Variants in MACROD2 observed in about 807,000 individuals in gnomAD.
MACROD2 encodes mono-ADP ribosylhydrolase 2.
A neutral mutation model predicts 70.4 loss-of-function variants in MACROD2; 36 were observed. That is an observed-to-expected ratio of 0.51 (90% CI 0.39 to 0.68). The LOEUF is 0.68. MACROD2 is among the 30% of genes least tolerant of loss of function. The pLI is 0.00. For missense variants in MACROD2, 496 were observed against 538.4 expected, an observed-to-expected ratio of 0.92 and a Z score of 0.78; for synonymous variants, 172 against 178.8, an observed-to-expected ratio of 0.96 and a Z score of 0.30.
chr20:15,877,209 C>T (rs939375277), intron 9 of MACROD2, among the ~76,000 whole-genome samples: 1 of 152,086 alleles, frequency 6.6e-6, no homozygotes, highest in African/African-American at 2.4e-5. Context: ...CCATCTCCAG[C>T]TGGGAGTCTC....
chr20:14,335,666 A>G (rs1175869835), intron 3 of MACROD2, among the ~76,000 whole-genome samples: 1 of 152,184 alleles, frequency 6.6e-6, no homozygotes, highest in Non-Finnish European at 1.5e-5. Flanking sequence ...AAACCCAATT[A>G]GTAACTGGTA....
rs2076065719 is a variant in MACROD2 at position 15,126,172 on chromosome 20, G to A, written c.419-103768G>A. On this transcript the variant is annotated intron_variant, in intron 5 of 17. Transcript: ENST00000684519. The stretch of plus-strand genomic sequence containing the variant: ...TTCTGTTATAAACATTTGTGTACAA[G>A]TTTTTGTATGAACATATGTTTTCAG... 5.7e-5 allele frequency among the ~76,000 whole-genome samples: 7 copies of A among 122,592 alleles called. No individual in the cohort carries two copies. In the Admixed American group the frequency reaches 6.2e-4, roughly 11 times the overall value. The allele number at this position is 122,592 out of a possible 152,430, so 80.4% of individuals were successfully genotyped here.
chr20:15,804,423 C>A lies in MACROD2; in HGVS notation c.646-58322C>A, dbSNP rs552693022. On this transcript the variant is annotated intron_variant, in intron 8 of 17. Transcript: ENST00000684519. ...TCATTTCAATCCTATAAATCAATGA[C>A]CTTTCTAATTACAAATATTCACTGA... 1.8e-4 allele frequency among the ~76,000 whole-genome samples: 28 copies of A among 152,290 alleles called. No individual in the cohort carries two copies. The East Asian group carries it at 5.4e-3, about 29-fold the overall frequency.
chr20:15,575,905 A>C (rs1011040645), intron 8 of MACROD2, among the ~76,000 whole-genome samples: 1 of 152,134 alleles, frequency 6.6e-6, no homozygotes, highest in Non-Finnish European at 1.5e-5. Context: ...AATTGGCTTA[A>C]ACTTGTTTAC....
chr20:15,407,014 T>G (rs2146317895), intron 6 of MACROD2, among the ~76,000 whole-genome samples: 1 of 152,310 alleles, frequency 6.6e-6, no homozygotes, highest in Admixed American at 6.5e-5. Flanking sequence ...ACATAGGTGA[T>G]TTGCCTGTTC....
intron 5 of MACROD2, among the ~76,000 whole-genome samples, chr20:14,954,504 A>C (rs1293998849): frequency 7.1e-6 from 1 of 141,178 alleles, no homozygotes; most frequent in Non-Finnish European, 1.5e-5. Flanking sequence ...ATATATAATT[A>C]TTATTATATA....
intron 7 of MACROD2, among the ~76,000 whole-genome samples, chr20:15,486,772 T>C (rs190474877): frequency 4.3e-4 from 66 of 152,314 alleles, no homozygotes; most frequent in Non-Finnish European, 7.2e-4. Flanking sequence ...TCTTCAAGTG[T>C]TGTATATCCT....
chr20:15,007,042 C>A lies in MACROD2; in HGVS notation c.419-222898C>A, dbSNP rs369828436. Among the ~76,000 whole-genome samples the A allele has an allele frequency of 3.3e-5, 5 of 151,580 alleles. No homozygotes were observed. In the South Asian group the frequency reaches 1.0e-3, roughly 31 times the overall value. On this transcript the variant is annotated intron_variant, in intron 5 of 17. Coordinates refer to ENST00000684519, the MANE Select transcript of MACROD2 (RefSeq NM_001351661.2). ...ACTGTCAAAGTAGGTTTGGGTGAGA[C>A]CCCTGTAGAGGACTGGGGGAAACCA...
At chr20:14,257,878 C>T (rs751113953) in intron 3 of MACROD2, among the ~76,000 whole-genome samples, 7 of 138,960 alleles carry the variant, frequency 5.0e-5, no homozygotes, top group Non-Finnish European at 7.6e-5. Flanking sequence ...TCTTGTATTC[C>T]TTGCCCCCTT....
chr20:15,494,836 GA>G (rs1296580249), intron 7 of MACROD2, among the ~76,000 whole-genome samples: 2 of 151,106 alleles, frequency 1.3e-5, no homozygotes, highest in African/African-American at 4.9e-5. Context: ...AAGTAAATAA[GA>G]AAAAAATCAT....
intron 6 of MACROD2, among the ~76,000 whole-genome samples, chr20:15,315,428 G>T (rs980596889): frequency 2.0e-5 from 3 of 152,128 alleles, no homozygotes; most frequent in African/African-American, 7.2e-5. Flanking sequence ...TAGAAACAAA[G>T]AAACTCTGAA....
At chr20:14,588,791 A>G (rs1981561010) in intron 4 of MACROD2, among the ~76,000 whole-genome samples, 1 of 152,230 alleles carries the variant, frequency 6.6e-6, no homozygotes, top group East Asian at 1.9e-4. Flanking sequence ...GTTACATGAT[A>G]AACATTGTAC....
At chr20:15,284,125 T>A (rs1172035631) in intron 6 of MACROD2, among the ~76,000 whole-genome samples, 6 of 152,196 alleles carry the variant, frequency 3.9e-5, no homozygotes, top group Non-Finnish European at 1.5e-5. Flanking sequence ...AAATTGTAAC[T>A]TTTTTACATA....
intron 5 of MACROD2, among the ~76,000 whole-genome samples, chr20:14,898,622 C>CTA (rs2073859016): frequency 6.6e-6 from 1 of 152,120 alleles, no homozygotes; most frequent in African/African-American, 2.4e-5. Flanking sequence ...ATTAGCTGGG[C>CTA]TATAGTCTGG....
At chr20:15,435,820 A>G (rs920335097) in intron 7 of MACROD2, among the ~76,000 whole-genome samples, 16 of 152,256 alleles carry the variant, frequency 1.1e-4, no homozygotes, top group African/African-American at 3.8e-4. Context: ...ATTGTGGCGA[A>G]TGGGAGGGAA....
chr20:14,893,452 G>T (rs1329251356), intron 5 of MACROD2: 1 of 151,820 alleles, frequency 6.6e-6, no homozygotes, highest in Non-Finnish European at 1.5e-5. Context: ...GTTACTTTCC[G>T]TTTTTTGATA....
At chr20:15,299,670 A>T (rs1454096942) in intron 6 of MACROD2, among the ~76,000 whole-genome samples, 1 of 152,214 alleles carries the variant, frequency 6.6e-6, no homozygotes, top group East Asian at 1.9e-4. Context: ...TACTGTCCTA[A>T]TCCAGTCATA....
At chr20:15,129,792 C>A (rs1312763081) in intron 5 of MACROD2, among the ~76,000 whole-genome samples, 1 of 152,040 alleles carries the variant, frequency 6.6e-6, no homozygotes. Flanking sequence ...GAAACAGATG[C>A]TAGACCTAAA....
intron 3 of MACROD2, among the ~76,000 whole-genome samples, chr20:14,394,120 C>T (rs1192378185): frequency 6.6e-6 from 1 of 152,078 alleles, no homozygotes; most frequent in Non-Finnish European, 1.5e-5. Flanking sequence ...AATATTATGT[C>T]CTATGAATAC....
Sources: gnomAD v4.1 joint callset for allele counts (sites outside exome capture counted in the v4.1 genomes callset) on GRCh38, gnomAD v4.1.1 for gene constraint, MANE v1.5 for transcripts, NCBI Gene and HGNC (gene_info 2026-07-23, HGNC 2026-07-21) for gene names.